The following SNX9 variants were observed in gnomAD, a reference collection of about 807,000 sequenced individuals.
SNX9 encodes sorting nexin 9.
Under a neutral mutation model 89.4 loss-of-function variants are expected in SNX9, and 44 were observed. That is an observed-to-expected ratio of 0.49 (90% CI 0.39 to 0.63). The LOEUF is 0.63. Ranked by LOEUF, SNX9 falls within the 30% of genes least tolerant of loss-of-function variation. The pLI, the probability that SNX9 is intolerant of heterozygous loss-of-function variation, is 0.00. For synonymous variants in SNX9, 236 were observed against 247.8 expected, an observed-to-expected ratio of 0.95 and a Z score of 0.45; for missense variants, 578 against 736.1, an observed-to-expected ratio of 0.79 and a Z score of 2.49.
intron 11 of SNX9, 125 bp from the exon 12 acceptor site, chr6:157,928,474 A>G: frequency 1.4e-6 from 1 of 702,702 alleles, no homozygotes; most frequent in Non-Finnish European, 2.4e-6. Flanking sequence ...TTTAAGGCTA[A>G]CTTAGTGAAA....
At chr6:157,931,198 G>GTGTAGAATGAA (rs1341804978) in intron 12 of SNX9, among the ~76,000 whole-genome samples, 23 of 152,332 alleles carry the variant, frequency 1.5e-4, no homozygotes, top group Middle Eastern at 3.4e-3. Context: ...TCTGCATGGT[G>GTGTAGAATGAA]AACCACATGC....
intron 16 of SNX9, among the ~76,000 whole-genome samples, chr6:157,939,691 G>A (rs966159434): frequency 1.3e-5 from 2 of 152,236 alleles, no homozygotes; most frequent in African/African-American, 2.4e-5. Flanking sequence ...CGGCAAAAAC[G>A]AGGAACCCTG....
intron 9 of SNX9, among the ~76,000 whole-genome samples, 171 bp from the exon 10 acceptor site, chr6:157,921,360 C>T (rs909658504): frequency 6.6e-6 from 1 of 152,136 alleles, no homozygotes; most frequent in African/African-American, 2.4e-5. Context: ...TTTGAGCATT[C>T]GTTGTGTTGC....
At chr6:157,870,306 GCACA>G (rs921430454) in intron 2 of SNX9, among the ~76,000 whole-genome samples, 23 of 146,552 alleles carry the variant, frequency 1.6e-4, no homozygotes, top group South Asian at 1.1e-3. Context: ...GTGTGAGCAC[GCACA>G]CACACCTACT....
intron 17 of SNX9, 50 bp downstream of exon 17, chr6:157,941,024 T>A: frequency 6.8e-7 from 1 of 1,461,910 alleles, no homozygotes; most frequent in Non-Finnish European, 9.6e-7. Context: ...AGAGGGTTCC[T>A]GGTAAACCAC....
chr6:157,881,028 G>C (rs1782611788), intron 4 of SNX9, among the ~76,000 whole-genome samples: 1 of 152,118 alleles, frequency 6.6e-6, no homozygotes. Context: ...TTAAGGACAG[G>C]CACACTTCAT....
At chr6:157,885,728 A>G (rs16900489) in intron 4 of SNX9, among the ~76,000 whole-genome samples, 3,126 of 152,264 alleles carry the variant, frequency 0.021, 97 homozygotes, top group African/African-American at 0.071. Flanking sequence ...CTGAATGCCT[A>G]CAGGGCCCCA....
At chr6:157,897,614 T>G (rs565613959) in intron 5 of SNX9, among the ~76,000 whole-genome samples, 28 of 152,254 alleles carry the variant, frequency 1.8e-4, no homozygotes, top group Admixed American at 5.2e-4. Flanking sequence ...TTCAAGTGAT[T>G]CTCTCACCTC....
intron 4 of SNX9, among the ~76,000 whole-genome samples, chr6:157,888,249 T>TTCTG (rs1265662675): frequency 6.6e-6 from 1 of 152,348 alleles, no homozygotes; most frequent in East Asian, 1.9e-4. Flanking sequence ...ACTTGGCTAT[T>TTCTG]TCTGTTTTTT....
chr6:157,942,136 T>C (rs1233487640), intron 17 of SNX9, among the ~76,000 whole-genome samples: 1 of 152,256 alleles, frequency 6.6e-6, no homozygotes, highest in Non-Finnish European at 1.5e-5. Flanking sequence ...GTAGCTGATA[T>C]AACATTGTTA....
intron 17 of SNX9, among the ~76,000 whole-genome samples, chr6:157,942,251 C>T (rs1450750153): frequency 1.3e-5 from 2 of 152,190 alleles, no homozygotes; most frequent in Non-Finnish European, 2.9e-5. Flanking sequence ...ATACCAAGCC[C>T]TCGTGCTGGA....
chr6:157,834,346 A>ATT (rs545841463), intron 1 of SNX9, among the ~76,000 whole-genome samples: 15 of 133,260 alleles, frequency 1.1e-4, no homozygotes, highest in East Asian at 4.3e-4. Flanking sequence ...ATTTAAAAGA[A>ATT]TTTTTTTTTT....
rs1317225770 is a variant in SNX9 at position 157,909,678 on chromosome 6, G to A, written c.719G>A (p.Gly240Asp). The A allele has an allele frequency of 5.6e-6, 9 of 1,613,790 alleles. No individual in the cohort carries two copies. The highest frequency in any genetic ancestry group is 1.3e-5 in the African/African-American group (1 of 74,900). The stretch of plus-strand genomic sequence containing the variant: ...ACATTGGCATAGGTTGGAGATTATG[G>A]CCCAATGTGGGTTTATCCTACCTCT... ...EKIPIIVGDY[G>D]PMWVYPTSTF... The change falls in exon 8 of 18, where the codon GGC becomes GAC. Residue 240 changes from glycine to aspartate, a missense_variant. By Grantham distance (94) the Gly-to-Asp change is moderately conservative (BLOSUM62 -1). Transcript: ENST00000392185.
chr6:157,888,943 T>G (rs113468714), intron 4 of SNX9, among the ~76,000 whole-genome samples: 27 of 152,106 alleles, frequency 1.8e-4, no homozygotes, highest in African/African-American at 6.3e-4. Context: ...AGGAGTGTGG[T>G]ACCACGGAGA....
chr6:157,888,625 T>TCTTCTC (rs796330680), intron 4 of SNX9, among the ~76,000 whole-genome samples: 10 of 151,544 alleles, frequency 6.6e-5, no homozygotes, highest in African/African-American at 1.7e-4. Context: ...GTCACCACCT[T>TCTTCTC]CTTCTCCTTC....
At chr6:157,901,738 C>A (rs1220182166) in intron 5 of SNX9, among the ~76,000 whole-genome samples, 160 bp from the exon 6 acceptor site, 1 of 151,936 alleles carries the variant, frequency 6.6e-6, no homozygotes, top group Non-Finnish European at 1.5e-5. Flanking sequence ...ACAGCCTTTA[C>A]TCTTAACATC....
intron 13 of SNX9, chr6:157,934,154 A>G (rs569475431): frequency 3.9e-5 from 6 of 152,372 alleles, no homozygotes; most frequent in African/African-American, 1.4e-4. Flanking sequence ...TGATTATAGT[A>G]AAAATAACTT....
At chr6:157,847,838 G>A (rs1212360231) in intron 1 of SNX9, among the ~76,000 whole-genome samples, 3 of 152,178 alleles carry the variant, frequency 2.0e-5, no homozygotes, top group Non-Finnish European at 4.4e-5. Context: ...CAGCAGGGAA[G>A]CCCTGTTGAA....
chr6:157,912,721 T>C (rs563022716), intron 9 of SNX9, among the ~76,000 whole-genome samples: 64 of 152,302 alleles, frequency 4.2e-4, no homozygotes, highest in African/African-American at 1.4e-3. Context: ...CATGAAAAAA[T>C]GTACAGTTAA....
Sources: allele counts gnomAD v4.1 joint callset (sites outside exome capture counted in the v4.1 genomes callset), GRCh38; gene constraint gnomAD v4.1.1; transcripts MANE v1.5; gene names NCBI Gene and HGNC (gene_info 2026-07-23, HGNC 2026-07-21).